Variants in DVL1 observed in about 807,000 individuals in gnomAD.
DVL1 encodes dishevelled segment polarity protein 1, also known as segment polarity protein dishevelled homolog DVL-1.
Under a neutral mutation model 65.0 loss-of-function variants are expected in DVL1, and 49 were observed. That is an observed-to-expected ratio of 0.75 (90% CI 0.60 to 0.96). The LOEUF is 0.96. DVL1 is among the 40% of genes least tolerant of loss of function. The pLI is 0.00. For synonymous variants in DVL1, 608 were observed against 433.9 expected (o/e 1.40, Z -4.99); for missense variants, 1,197 against 1,045.4 (o/e 1.15, Z -2.00).
chr1:1,339,576 A>C lies in DVL1; in HGVS notation c.1054+6T>G. 1 of 1,602,600 alleles carries C rather than the reference A, an allele frequency of 6.2e-7. No individual in the cohort carries two copies. Among genetic ancestry groups the C allele is most frequent in the Non-Finnish European group, 8.5e-7 (1 of 1,174,376 alleles). Reference sequence around the variant, plus strand: ...TCCCGCCCCGTGTGCCCCGAGGGCCACTCACCCCGTGGGACGGTGAAGTAG... The same window carrying C: ...TCCCGCCCCGTGTGCCCCGAGGGCCCCTCACCCCGTGGGACGGTGAAGTAG... On this transcript the variant is annotated splice_donor_region_variant and intron_variant, in intron 10 of 14. Transcript: ENST00000378888.
At chr1:1,337,508 C>T (rs1643618301) in intron 14 of DVL1, among the ~76,000 whole-genome samples, 1 of 152,192 alleles carries the variant, frequency 6.6e-6, no homozygotes, top group Non-Finnish European at 1.5e-5. Flanking sequence ...AGAAAGTGAC[C>T]CTGTCAGACT....
chr1:1,347,373 T>C (rs1643931308), intron 1 of DVL1, among the ~76,000 whole-genome samples: 1 of 152,050 alleles, frequency 6.6e-6, no homozygotes, highest in Non-Finnish European at 1.5e-5. Flanking sequence ...GTCCTCCAAA[T>C]GTGCCCAGCA....
intron 11 of DVL1, among the ~76,000 whole-genome samples, chr1:1,338,994 G>C (rs955763081): frequency 6.6e-6 from 1 of 152,176 alleles, no homozygotes; most frequent in African/African-American, 2.4e-5. Context: ...GCTGTTAGTC[G>C]TGTTAATGGC....
chr1:1,342,159 G>A lies in DVL1; in HGVS notation c.363-3C>T, dbSNP rs1161795752. Reference sequence around the variant, plus strand: ...CACGGCTGCTGGCCACATTTGGGCTGTGCAACAAGAGCAGGGTGGGTGGGG... The same window carrying A: ...CACGGCTGCTGGCCACATTTGGGCTATGCAACAAGAGCAGGGTGGGTGGGG... On this transcript the variant is annotated splice_region_variant and splice_polypyrimidine_tract_variant and intron_variant, in intron 3 of 14. Coordinates refer to ENST00000378888, the MANE Select transcript of DVL1 (RefSeq NM_001330311.2). 3.2e-6 allele frequency: 5 copies of A among 1,557,484 alleles called. No individual in the cohort carries two copies. The highest frequency in any genetic ancestry group is 1.4e-5 in the African/African-American group (1 of 73,836).
Position 1,342,124 on chromosome 1 carries a change from TC to T in DVL1, c.394del (p.Asp132ThrfsTer109). 6.3e-7 allele frequency: 1 copy of T among 1,588,576 alleles called. No homozygotes were observed. ...CATGGACTCCGTGCCTGTCTCGTTG[TC>T]CATCCCGTCACGGCTGCTGGCCACA... is the stretch of plus-strand genomic sequence containing the variant. ...PNVASSRDGM[D>X]NETGTESMVS... On this transcript the variant is annotated frameshift_variant, in exon 4 of 15. Coordinates refer to ENST00000378888, the MANE Select transcript of DVL1 (RefSeq NM_001330311.2). LOFTEE classifies it high-confidence loss of function.
intron 14 of DVL1, chr1:1,337,684 G>T (rs1405611983): frequency 3.3e-6 from 2 of 600,098 alleles, no homozygotes; most frequent in Middle Eastern, 2.6e-4. Context: ...CCCAGATGAG[G>T]TGGGGTCCAG....
At chr1:1,348,506 C>A (rs1289798450) in intron 1 of DVL1, among the ~76,000 whole-genome samples, 2 of 152,208 alleles carry the variant, frequency 1.3e-5, no homozygotes, top group Non-Finnish European at 2.9e-5. Flanking sequence ...ACCCCCATGT[C>A]TCCCCATCCC....
intron 1 of DVL1, among the ~76,000 whole-genome samples, chr1:1,343,416 C>T (rs943463540): frequency 1.3e-5 from 2 of 152,232 alleles, no homozygotes; most frequent in African/African-American, 4.8e-5. Flanking sequence ...TCCCAGCCAG[C>T]TCCAGACCAG....
intron 13 of DVL1, 40 bp downstream of exon 13, chr1:1,338,229 T>TTGGCGC: frequency 2.6e-6 from 4 of 1,522,356 alleles, no homozygotes; most frequent in Non-Finnish European, 3.6e-6. Context: ...CCTCCGGCGT[T>TTGGCGC]CCCCTCCCCC....
At chr1:1,342,619 T>TC (rs1444879650) in intron 2 of DVL1, 70 bp downstream of exon 2, 2 of 1,590,496 alleles carry the variant, frequency 1.3e-6, no homozygotes, top group African/African-American at 2.7e-5. Flanking sequence ...ACCCACCGCC[T>TC]CCCCCAGGAA....
chr1:1,335,638 TG>T lies in DVL1; in HGVS notation c.*503del. Reference sequence around the variant, plus strand: ...CACGTACTTTCAGACTGTTGCCGGATGGGAGGAGAGAAGGTGCAGGCTGCTC... The same window carrying T: ...CACGTACTTTCAGACTGTTGCCGGATGGAGGAGAGAAGGTGCAGGCTGCTC... On this transcript the variant is annotated 3_prime_UTR_variant, in exon 15 of 15. Transcript: ENST00000378888. 6.4e-6 allele frequency: 1 copy of T among 156,136 alleles called. No individual in the cohort carries two copies. The highest frequency in any genetic ancestry group is 3.3e-3 in the Middle Eastern group (1 of 300). 9.7% of individuals were successfully genotyped at this position (156,136 alleles called of 1,614,324 possible).
intron 1 of DVL1, among the ~76,000 whole-genome samples, chr1:1,347,043 G>A (rs530286526): frequency 5.7e-4 from 87 of 152,140 alleles, no homozygotes; most frequent in Non-Finnish European, 1.1e-3. Context: ...AGGGTCCTCC[G>A]TAGGCTCCTG....
chr1:1,341,870 C>T, intron 4 of DVL1, 65 bp from the exon 5 acceptor site: 1 of 1,496,872 alleles, frequency 6.7e-7, no homozygotes, highest in South Asian at 1.3e-5. Context: ...TTGGGGCTGC[C>T]TGGGCAGTGC....
intron 5 of DVL1, among the ~76,000 whole-genome samples, chr1:1,341,040 C>T (rs139246482): frequency 2.0e-5 from 3 of 148,324 alleles, no homozygotes; most frequent in African/African-American, 5.0e-5. Context: ...CCTGCACACA[C>T]GCACCCCTGC....
intron 14 of DVL1, 102 bp downstream of exon 14, chr1:1,337,875 G>C (rs1290361341): frequency 1.1e-6 from 1 of 901,840 alleles, no homozygotes; most frequent in East Asian, 2.6e-5. Flanking sequence ...GCTGGGGGTG[G>C]AGCAGCAGCG....
At chr1:1,347,413 G>A (rs1049345198) in intron 1 of DVL1, among the ~76,000 whole-genome samples, 2 of 152,148 alleles carry the variant, frequency 1.3e-5, no homozygotes, top group Admixed American at 6.5e-5. Context: ...GTGCACTAGG[G>A]CAACAGTCAG....
Position 1,339,592 on chromosome 1 carries a change from G to T in DVL1, c.1044C>A (p.Thr348=). The T allele has an allele frequency of 4.4e-6, 7 of 1,607,050 alleles. No homozygotes were observed. The South Asian group carries it at 5.5e-5, about 13-fold the overall frequency. Residue 348 remains threonine, a synonymous_variant, in exon 10 of 15, where the codon ACC becomes ACA. Coordinates refer to ENST00000378888, the MANE Select transcript of DVL1 (RefSeq NM_001330311.2). ...CWDPTPRSYF[T]VPRADPVRPI... ...CCGAGGGCCACTCACCCCGTGGGAC[G>T]GTGAAGTAGCTTCGGGGCGTTGGGT...
chr1:1,348,454 G>A (rs1279400073), intron 1 of DVL1, among the ~76,000 whole-genome samples: 1 of 152,156 alleles, frequency 6.6e-6, no homozygotes, highest in East Asian at 1.9e-4. Context: ...TTGACCCTCG[G>A]GAAGCTTCTG....
At chr1:1,345,911 C>T (rs1342796160) in intron 1 of DVL1, among the ~76,000 whole-genome samples, 2 of 152,172 alleles carry the variant, frequency 1.3e-5, no homozygotes, top group African/African-American at 2.4e-5. Flanking sequence ...GACCCCAGAG[C>T]CAGGGGCTCT....
Sources: gnomAD v4.1 joint callset for allele counts (sites outside exome capture counted in the v4.1 genomes callset) on GRCh38, gnomAD v4.1.1 for gene constraint, MANE v1.5 for transcripts, NCBI Gene and HGNC (gene_info 2026-07-23, HGNC 2026-07-21) for gene names.